FXYD6: variants seen among roughly 807,000 people sequenced by gnomAD.
FXYD6 encodes FXYD domain-containing ion transport regulator 6.
FXYD6 carries 7 observed loss-of-function variants against 16.7 expected under a neutral mutation model. That is an observed-to-expected ratio of 0.42 (90% CI 0.24 to 0.79). The LOEUF (loss-of-function observed/expected upper bound fraction) is 0.79. FXYD6 is among the 30% of genes least tolerant of loss of function. The pLI is 0.28. For missense variants in FXYD6, 111 were observed against 116.2 expected, an observed-to-expected ratio of 0.95 and a Z score of 0.21; for synonymous variants, 49 against 43.0, an observed-to-expected ratio of 1.14 and a Z score of -0.54.
intron 1 of FXYD6, among the ~76,000 whole-genome samples, chr11:117,857,610 T>C (rs2056763894): frequency 6.6e-6 from 1 of 152,082 alleles, no homozygotes. Context: ...AGTTTCACCA[T>C]GTTGGCCAAG....
At chr11:117,868,256 A>G (rs2057052769) in intron 1 of FXYD6, among the ~76,000 whole-genome samples, 1 of 152,144 alleles carries the variant, frequency 6.6e-6, no homozygotes, top group African/African-American at 2.4e-5. Context: ...CACAGCTCCA[A>G]TCACCAGGCC....
intron 7 of FXYD6, 153 bp downstream of exon 7, chr11:117,839,628 T>G: frequency 1.2e-6 from 1 of 826,362 alleles, no homozygotes. Context: ...CACAGCCCCT[T>G]TCAGACTCCT....
intron 1 of FXYD6, among the ~76,000 whole-genome samples, chr11:117,860,948 T>C (rs2056890594): frequency 6.6e-6 from 1 of 152,178 alleles, no homozygotes; most frequent in East Asian, 1.9e-4. Context: ...AGCTAGAAAG[T>C]AGCAGAGCCT....
At chr11:117,854,395 G>A (rs2056677520) in intron 1 of FXYD6, among the ~76,000 whole-genome samples, 1 of 152,170 alleles carries the variant, frequency 6.6e-6, no homozygotes, top group African/African-American at 2.4e-5. Context: ...AGGGACAATG[G>A]GCAGCAGTTC....
In FXYD6 at chr11:117,849,760, C is replaced by T. The variant is rs61903803; in HGVS notation, c.-5-6979G>A. ...TGAAGGCCGTGGTAGCTGAAGGCCT[C>T]GGTAGCTGAAGGCCTCGCCACTGCA... On this transcript the variant is annotated intron_variant, in intron 1 of 7. Coordinates refer to ENST00000526014, the MANE Select transcript of FXYD6 (RefSeq NM_022003.4). 7.8e-3 allele frequency among the ~76,000 whole-genome samples: 1,173 copies of T among 150,296 alleles called. 6 individuals are homozygous for T. Among genetic ancestry groups the T allele is most frequent in the Non-Finnish European group, 0.012 (818 of 67,966 alleles).
Position 117,868,084 on chromosome 11 carries a change from A to G in FXYD6, c.-6+8508T>C, listed in dbSNP as rs191866295. On this transcript the variant is annotated intron_variant, in intron 1 of 7. Transcript: ENST00000526014. ...GCGCCTGTCGCCTGTCGTTGGCACTAATTTGGCGCATAGCACATTCTGTTT... is the reference window on the plus strand; with the variant it reads ...GCGCCTGTCGCCTGTCGTTGGCACTGATTTGGCGCATAGCACATTCTGTTT... Among the ~76,000 whole-genome samples, 755 of 152,272 alleles carry G rather than the reference A, an allele frequency of 5.0e-3. 9 individuals are homozygous for G. The highest frequency in any genetic ancestry group is 4.3e-3 in the Non-Finnish European group (294 of 68,024).
At chr11:117,856,030 A>G (rs1455269997) in intron 1 of FXYD6, among the ~76,000 whole-genome samples, 1 of 151,218 alleles carries the variant, frequency 6.6e-6, no homozygotes, top group Non-Finnish European at 1.5e-5. Flanking sequence ...TTATCTCCAT[A>G]TTGGCAAGCA....
chr11:117,866,911 A>G (rs1476500722), intron 1 of FXYD6, among the ~76,000 whole-genome samples: 1 of 152,160 alleles, frequency 6.6e-6, no homozygotes, highest in African/African-American at 2.4e-5. Flanking sequence ...GAATTAGATG[A>G]GGGTGTAGAA....
chr11:117,858,728 CCT>C (rs1565323978), intron 1 of FXYD6, among the ~76,000 whole-genome samples: 22 of 54,076 alleles, frequency 4.1e-4, no homozygotes, highest in African/African-American at 1.3e-3. Flanking sequence ...TCCTTCCCTT[CCT>C]TCCTTCCTTC....
chr11:117,865,466 G>A (rs2056993868), intron 1 of FXYD6, among the ~76,000 whole-genome samples: 1 of 152,168 alleles, frequency 6.6e-6, no homozygotes, highest in Non-Finnish European at 1.5e-5. Context: ...AGCAACCCAG[G>A]TGTTCATCAG....
chr11:117,858,683 C>G lies in FXYD6; in HGVS notation c.-5-15902G>C, dbSNP rs1019836065. 1.3e-3 allele frequency among the ~76,000 whole-genome samples: 111 copies of G among 88,460 alleles called. 1 individual carries two copies. The highest frequency in any genetic ancestry group is 9.1e-3 in the Admixed American group (69 of 7,602). 58.0% of individuals were successfully genotyped at this position (88,460 alleles called of 152,430 possible). A position where few individuals can be genotyped will look rare whatever the true frequency, so the allele number is the denominator to read the frequency against. ...TCTTTCTTTCTTTCTTTCTTTCTTTCTTTCTTTCTTTCTTTCTTTCTCTCT... is the reference window on the plus strand; with the variant it reads ...TCTTTCTTTCTTTCTTTCTTTCTTTGTTTCTTTCTTTCTTTCTTTCTCTCT... On this transcript the variant is annotated intron_variant, in intron 1 of 7. Transcript: ENST00000526014.
rs554729240 is a variant in FXYD6, at chr11:117,856,418, C to T, written c.-5-13637G>A. 1.1e-4 allele frequency among the ~76,000 whole-genome samples: 17 copies of T among 152,306 alleles called. No individual in the cohort carries two copies. The South Asian group carries it at 3.3e-3, about 30-fold the overall frequency. ...CCCCTGCTCCCGAAGCTTCACTCGC[C>T]TCCCCTGGCATCCCACCTGCTTGCC... On this transcript the variant is annotated intron_variant, in intron 1 of 7. Coordinates refer to ENST00000526014, the MANE Select transcript of FXYD6 (RefSeq NM_022003.4).
intron 1 of FXYD6, among the ~76,000 whole-genome samples, chr11:117,849,978 C>T (rs1409391168): frequency 1.3e-5 from 2 of 152,210 alleles, no homozygotes; most frequent in Non-Finnish European, 2.9e-5. Flanking sequence ...GGGCTAAAAA[C>T]TCCACCCTCA....
At chr11:117,840,162 G>T in intron 6 of FXYD6, 157 bp downstream of exon 6, 1 of 884,460 alleles carries the variant, frequency 1.1e-6, no homozygotes. Context: ...TTGGTGGAGT[G>T]AGGGGGCAAT....
At position 117,851,890 on chromosome 11, in the gene FXYD6, T is replaced by C. The variant is rs559613461; in HGVS notation, c.-5-9109A>G. Among the ~76,000 whole-genome samples, 4 of 152,338 alleles carry C rather than the reference T, an allele frequency of 2.6e-5. No individual in the cohort carries two copies. In the South Asian group the frequency reaches 8.3e-4, roughly 32 times the overall value. On this transcript the variant is annotated intron_variant, in intron 1 of 7. Transcript: ENST00000526014. ...TGCAACACACTTTTAACCAACAGAA[T>C]GTGGCAAAAGTGGCAAAAGGACAGC...
At chr11:117,862,295 C>T (rs73586906) in intron 1 of FXYD6, among the ~76,000 whole-genome samples, 190 of 152,338 alleles carry the variant, frequency 1.2e-3, no homozygotes, top group African/African-American at 4.4e-3. Context: ...CAAGCCCTCA[C>T]GTCATCCTCC....
At chr11:117,856,278 G>T (rs1185946447) in intron 1 of FXYD6, among the ~76,000 whole-genome samples, 1 of 152,172 alleles carries the variant, frequency 6.6e-6, no homozygotes, top group Non-Finnish European at 1.5e-5. Context: ...GCAGCAGTGA[G>T]GTAGATCAGA....
chr11:117,868,323 G>A (rs1012580726), intron 1 of FXYD6, among the ~76,000 whole-genome samples: 4 of 152,142 alleles, frequency 2.6e-5, no homozygotes, highest in Non-Finnish European at 5.9e-5. Flanking sequence ...TCCCATCAAC[G>A]TCAACAGCAA....
At chr11:117,842,538 T>C (rs1046421094) in intron 2 of FXYD6, among the ~76,000 whole-genome samples, 181 bp downstream of exon 2, 4 of 152,132 alleles carry the variant, frequency 2.6e-5, no homozygotes, top group African/African-American at 4.8e-5. Flanking sequence ...CTGAGGTCTG[T>C]GAATAAATAG....
Sources: gnomAD v4.1 joint callset for allele counts (sites outside exome capture counted in the v4.1 genomes callset) on GRCh38, gnomAD v4.1.1 for gene constraint, MANE v1.5 for transcripts, NCBI Gene and HGNC (gene_info 2026-07-23, HGNC 2026-07-21) for gene names.